The following EEF1E1 variants were observed in gnomAD, a reference collection of about 807,000 sequenced individuals.
EEF1E1 encodes eukaryotic translation elongation factor 1 epsilon-1.
Under a neutral mutation model 19.9 loss-of-function variants are expected in EEF1E1, and 19 were observed. That is an observed-to-expected ratio of 0.95 (90% CI 0.66 to 1.40). The LOEUF is 1.40. Ranked by LOEUF, EEF1E1 falls within the 40% of genes most tolerant of loss-of-function variation. EEF1E1 has a pLI of 0.00. For synonymous variants in EEF1E1, 81 were observed against 80.0 expected (o/e 1.01, Z -0.07); for missense variants, 198 against 202.2 (o/e 0.98, Z 0.13).
downstream of EEF1E1, among the ~76,000 whole-genome samples, chr6:8,077,405 G>A (rs1215812885): frequency 2.0e-5 from 3 of 152,222 alleles, no homozygotes; most frequent in East Asian, 5.8e-4. Context: ...AGCCATGGAA[G>A]TCCTAGGTGG....
chr6:8,093,168 G>A (rs1038321173), intron 2 of EEF1E1, among the ~76,000 whole-genome samples: 10 of 151,910 alleles, frequency 6.6e-5, no homozygotes, highest in South Asian at 2.1e-4. Flanking sequence ...CACCGTGCCC[G>A]GCCAAGACTC....
chr6:8,084,267 A>G (rs1381141680), intron 3 of EEF1E1, among the ~76,000 whole-genome samples: 1 of 152,230 alleles, frequency 6.6e-6, no homozygotes, highest in African/African-American at 2.4e-5. Flanking sequence ...GTACTGAATG[A>G]AACACTTCTA....
At position 8,079,923 on chromosome 6, in the gene EEF1E1, G is replaced by A. The variant is rs115878881; in HGVS notation, c.492C>T (p.Phe164=). 7.8e-5 allele frequency: 126 copies of A among 1,612,842 alleles called. No individual in the cohort carries two copies. In the African/African-American group the frequency reaches 1.6e-3, roughly 20 times the overall value. Residue 164 remains phenylalanine, a synonymous_variant, in exon 4 of 4, where the codon TTC becomes TTT. Transcript: ENST00000379715. ...GIRQHLSSVV[F]IKNRLYTNSH ...AATTAGTATATAGTCTGTTCTTGAT[G>A]AAGACAACACTAGACAGATGTTGCC... is the stretch of plus-strand genomic sequence containing the variant.
At chr6:8,088,754 A>G (rs1345297680) in intron 3 of EEF1E1, among the ~76,000 whole-genome samples, 1 of 152,236 alleles carries the variant, frequency 6.6e-6, no homozygotes, top group Non-Finnish European at 1.5e-5. Context: ...GGCTGAGACC[A>G]GGAAAAGGAG....
At chr6:8,087,842 C>A (rs951653789) in intron 3 of EEF1E1, among the ~76,000 whole-genome samples, 5 of 152,190 alleles carry the variant, frequency 3.3e-5, no homozygotes, top group African/African-American at 9.6e-5. Context: ...AAATCAGGAT[C>A]TGATTGACTG....
chr6:8,092,800 AAC>A (rs61302735), intron 2 of EEF1E1, among the ~76,000 whole-genome samples: 16,940 of 151,518 alleles, frequency 0.11, 1,153 homozygotes, highest in South Asian at 0.2. Context: ...CTGAAACAAT[AAC>A]AGTTTTGTAT....
intron 1 of EEF1E1, among the ~76,000 whole-genome samples, chr6:8,098,069 G>GT (rs145208758): frequency 0.2 from 29,605 of 151,498 alleles, 3,375 homozygotes; most frequent in Non-Finnish European, 0.26. Context: ...AAAAAGAATT[G>GT]TTTTTTTGGG....
intron 3 of EEF1E1, among the ~76,000 whole-genome samples, chr6:8,080,287 C>A (rs1757694729): frequency 6.6e-6 from 1 of 152,102 alleles, no homozygotes; most frequent in Admixed American, 6.6e-5. Flanking sequence ...TCAACAAATG[C>A]AAAATTTACA....
In EEF1E1 at chr6:8,097,398, T is replaced by C. The variant is rs1758204189; in HGVS notation, c.157A>G (p.Lys53Glu). The change falls in exon 2 of 4, where the codon AAG (lysine) becomes GAG (glutamate). Residue 53 changes from lysine (K) to glutamate (E), a missense_variant. Physicochemically the swap from Lys to Glu is moderately conservative, Grantham distance 56. Transcript: ENST00000379715. The stretch of plus-strand genomic sequence containing the variant: ...AGCAAATATTCTTTGTTGGCTTGCT[T>C]GACTAGATGAGCTGCTATAGTAGTC... The part of the protein sequence containing the change: ...GLTTIAAHLV[K>E]QANKEYLLGS... The C allele has an allele frequency of 6.2e-7, 1 of 1,614,176 alleles. No individual in the cohort carries two copies. Among genetic ancestry groups the C allele is most frequent in the Middle Eastern group, 1.6e-4 (1 of 6,062 alleles).
At chr6:8,077,818 G>A (rs962658144), downstream of EEF1E1, among the ~76,000 whole-genome samples, 2 of 151,806 alleles carry the variant, frequency 1.3e-5, no homozygotes, top group East Asian at 3.9e-4. Context: ...TTGAGACAGG[G>A]GCTCACTCTG....
At chr6:8,093,235 T>C (rs190327818) in intron 2 of EEF1E1, among the ~76,000 whole-genome samples, 26 of 152,034 alleles carry the variant, frequency 1.7e-4, no homozygotes, top group African/African-American at 4.6e-4. Context: ...GTTCATGATA[T>C]AAATAAAATC....
chr6:8,099,772 ACACACACACACAC>A (rs1469323322), intron 1 of EEF1E1, among the ~76,000 whole-genome samples: 1,445 of 124,278 alleles, frequency 0.012, 57 homozygotes, highest in African/African-American at 0.041. Flanking sequence ...ACACACACAC[ACACACACACACAC>A]ACACACAAAA....
chr6:8,090,333 A>G (rs1757982737), intron 2 of EEF1E1, 52 bp from the exon 3 acceptor site: 1 of 1,269,530 alleles, frequency 7.9e-7, no homozygotes, highest in Non-Finnish European at 1.0e-6. Context: ...AGTAATAATA[A>G]AGTTAATTAT....
chr6:8,086,452 CAA>C (rs142912902), intron 3 of EEF1E1, among the ~76,000 whole-genome samples: 9,225 of 152,158 alleles, frequency 0.061, 380 homozygotes, highest in Non-Finnish European at 0.088. Context: ...TTTGTTTTTC[CAA>C]AAGACAAACC....
At chr6:8,102,350 C>G in intron 1 of EEF1E1, 85 bp downstream of exon 1, 1 of 1,375,468 alleles carries the variant, frequency 7.3e-7, no homozygotes, top group East Asian at 2.4e-5. Context: ...CCGCCCGTAT[C>G]TGGTGGCCGG....
At chr6:8,096,694 C>T (rs1268646267) in intron 2 of EEF1E1, among the ~76,000 whole-genome samples, 1 of 151,976 alleles carries the variant, frequency 6.6e-6, no homozygotes, top group East Asian at 1.9e-4. Flanking sequence ...ACAAAAATAA[C>T]TTCATTTGGA....
intron 3 of EEF1E1, chr6:8,089,817 G>A: frequency 4.2e-6 from 1 of 238,448 alleles, no homozygotes; most frequent in Non-Finnish European, 8.0e-6. Context: ...AGGGGATGAT[G>A]ACAAAACCTA....
At chr6:8,087,046 G>A (rs892432360) in intron 3 of EEF1E1, among the ~76,000 whole-genome samples, 7 of 152,152 alleles carry the variant, frequency 4.6e-5, no homozygotes, top group Admixed American at 1.3e-4. Context: ...AGTGGGAACC[G>A]AGAGATACTT....
At chr6:8,073,560 A>T in intron 3 of EEF1E1, 1 of 1,549,850 alleles carries the variant, frequency 6.5e-7, no homozygotes. Flanking sequence ...CACTTAGAAT[A>T]GTGCCTGATA....
Sources: gnomAD v4.1 joint callset for allele counts (sites outside exome capture counted in the v4.1 genomes callset) on GRCh38, gnomAD v4.1.1 for gene constraint, MANE v1.5 for transcripts, NCBI Gene and HGNC (gene_info 2026-07-23, HGNC 2026-07-21) for gene names.